PCDHA9: variants seen among roughly 807,000 people sequenced by gnomAD.
PCDHA9 encodes the protein protocadherin alpha 9.
PCDHA9 carries 62 observed loss-of-function variants against 62.0 expected under a neutral mutation model. The ratio of observed to expected loss-of-function variants is 1.00; its 90% confidence interval spans 0.81 to 1.23. The LOEUF is 1.23. PCDHA9 is among the 50% of genes most tolerant of loss of function. The pLI is 0.00. For synonymous variants in PCDHA9, 557 were observed against 567.6 expected, an observed-to-expected ratio of 0.98 and a Z score of 0.27; for missense variants, 1,205 against 1,249.8, an observed-to-expected ratio of 0.96 and a Z score of 0.54.
At chr5:140,971,487 C>T (rs1285006281) in intron 1 of PCDHA9, among the ~76,000 whole-genome samples, 1 of 152,110 alleles carries the variant, frequency 6.6e-6, no homozygotes, top group African/African-American at 2.4e-5. Flanking sequence ...CACATTGTTA[C>T]AGTGTGGCAA....
chr5:140,992,584 T>C (rs1327367703), intron 3 of PCDHA9, among the ~76,000 whole-genome samples: 1 of 152,194 alleles, frequency 6.6e-6, no homozygotes, highest in Non-Finnish European at 1.5e-5. Context: ...CTGCCTTGTA[T>C]GCATCTAGCG....
intron 1 of PCDHA9, among the ~76,000 whole-genome samples, chr5:140,918,819 TG>T (rs2078870306): frequency 1.6e-5 from 1 of 61,992 alleles, no homozygotes; most frequent in Admixed American, 1.3e-4. Flanking sequence ...AACCAAAAAG[TG>T]GCCCCCTCCC....
chr5:140,856,398 A>G, intron 1 of PCDHA9: 1 of 1,598,482 alleles, frequency 6.3e-7, no homozygotes, highest in Non-Finnish European at 8.6e-7. Flanking sequence ...CAGGTTTTCC[A>G]TGTGGACGTG....
At chr5:140,983,104 T>C (rs907787884) in intron 3 of PCDHA9, among the ~76,000 whole-genome samples, 3 of 152,234 alleles carry the variant, frequency 2.0e-5, no homozygotes, top group Admixed American at 1.3e-4. Flanking sequence ...TGCTTCTCTC[T>C]GCACATCAAC....
chr5:140,985,902 T>G (rs1026675848), intron 3 of PCDHA9, among the ~76,000 whole-genome samples: 2 of 151,212 alleles, frequency 1.3e-5, no homozygotes, highest in Non-Finnish European at 2.9e-5. Flanking sequence ...ACCACTCCCG[T>G]CTAATTTTTT....
chr5:140,858,275 G>C (rs2045316714), intron 1 of PCDHA9: 2 of 1,597,458 alleles, frequency 1.3e-6, no homozygotes, highest in African/African-American at 1.3e-5. Context: ...CTCTAGCGCG[G>C]TGGGGAGCTG....
chr5:140,900,586 AC>A (rs1554189274), intron 1 of PCDHA9, among the ~76,000 whole-genome samples: 1 of 151,926 alleles, frequency 6.6e-6, no homozygotes, highest in African/African-American at 2.4e-5. Flanking sequence ...CATTTTCTTT[AC>A]CCGTTCATCT....
rs2150477113 is a variant in PCDHA9, at chr5:140,850,276, T to G, written c.1781T>G (p.Val594Gly). 19 of 1,594,568 alleles carry G rather than the reference T, an allele frequency of 1.2e-5. 1 individual carries two copies. The highest frequency in any genetic ancestry group is 1.5e-5 in the Non-Finnish European group (18 of 1,167,356). Reference protein sequence around the residue: ...SVGAGVVVGKVRAVDADSGYN... With the variant: ...SVGAGVVVGKGRAVDADSGYN... ...GGCGCCGGCGTAGTGGTGGGGAAGG[T>G]GCGCGCAGTGGACGCCGACTCGGGC... is the stretch of plus-strand genomic sequence containing the variant. Residue 594 changes from valine (V) to glycine (G), a missense_variant, in exon 1 of 4, where the codon GTG becomes GGG. Coordinates refer to ENST00000532602, the MANE Select transcript of PCDHA9 (RefSeq NM_031857.2).
intron 1 of PCDHA9, among the ~76,000 whole-genome samples, chr5:140,887,521 T>C (rs561642770): frequency 1.3e-5 from 2 of 152,346 alleles, no homozygotes; most frequent in Admixed American, 1.3e-4. Flanking sequence ...TTTTTATATA[T>C]GAGTCTTCCT....
intron 1 of PCDHA9, among the ~76,000 whole-genome samples, chr5:140,878,510 A>G (rs781881628): frequency 2.0e-5 from 3 of 152,250 alleles, no homozygotes; most frequent in Non-Finnish European, 4.4e-5. Flanking sequence ...ACGATACAGT[A>G]CAGTTGGTAA....
chr5:140,851,549 T>A (rs2042091129), intron 1 of PCDHA9: 1 of 908,826 alleles, frequency 1.1e-6, no homozygotes, highest in African/African-American at 1.8e-5. Flanking sequence ...ATTCAAGAAA[T>A]GTTGACTGAA....
At chr5:140,988,698 A>G (rs1563551697) in intron 3 of PCDHA9, among the ~76,000 whole-genome samples, 1 of 152,116 alleles carries the variant, frequency 6.6e-6, no homozygotes, top group East Asian at 1.9e-4. Context: ...GACGCTCTGT[A>G]TTTTCTTGGA....
intron 1 of PCDHA9, chr5:140,926,518 C>T (rs1584446348): frequency 4.9e-6 from 1 of 202,636 alleles, no homozygotes; most frequent in Non-Finnish European, 9.8e-6. Context: ...CAGGCTCCGC[C>T]CTGCGCCCGC....
intron 1 of PCDHA9, chr5:140,870,784 G>A: frequency 6.2e-7 from 1 of 1,613,574 alleles, no homozygotes; most frequent in South Asian, 1.1e-5. Context: ...GAACGACAAC[G>A]CGCCGGCACT....
intron 3 of PCDHA9, among the ~76,000 whole-genome samples, chr5:140,983,126 G>A (rs1466016868): frequency 6.6e-6 from 1 of 152,206 alleles, no homozygotes; most frequent in African/African-American, 2.4e-5. Context: ...ACATTCTGCA[G>A]ACTGACTTTT....
At chr5:140,872,023 C>G (rs1554166000) in intron 1 of PCDHA9, among the ~76,000 whole-genome samples, 1 of 152,226 alleles carries the variant, frequency 6.6e-6, no homozygotes, top group African/African-American at 2.4e-5. Flanking sequence ...TAGCCTGGAA[C>G]TGCTAAGCTC....
intron 1 of PCDHA9, among the ~76,000 whole-genome samples, chr5:140,972,784 C>T (rs2096555970): frequency 1.3e-5 from 2 of 151,762 alleles, no homozygotes; most frequent in South Asian, 4.2e-4. Context: ...CTGCCTCAGC[C>T]TCCTGAGTAG....
At chr5:140,877,299 C>T in intron 1 of PCDHA9, 1 of 1,613,922 alleles carries the variant, frequency 6.2e-7, no homozygotes. Flanking sequence ...GGCTGTCCTA[C>T]GAGTTGCAAC....
rs142471747 is a variant in PCDHA9 at position 140,940,002 on chromosome 5, C to T, written c.2395-38947C>T. On this transcript the variant is annotated intron_variant, in intron 1 of 3. Transcript: ENST00000532602. ...TGAATTGTTTCTCCTTGGATTTTGT[C>T]AATTTTTTGTGTCATATGTTTTAAG... Among the ~76,000 whole-genome samples the T allele has an allele frequency of 5.4e-3, 828 of 152,138 alleles. 3 individuals carry two copies. The highest frequency in any genetic ancestry group is 0.019 in the African/African-American group (797 of 41,516).
Sources: allele counts gnomAD v4.1 joint callset (sites outside exome capture counted in the v4.1 genomes callset), GRCh38; gene constraint gnomAD v4.1.1; transcripts MANE v1.5; gene names NCBI Gene and HGNC (gene_info 2026-07-23, HGNC 2026-07-21).